The following RYR2 variants were observed in gnomAD, a reference collection of about 807,000 sequenced individuals.
The protein encoded by RYR2 is cardiac muscle ryanodine receptor-calcium release channel.
Under a neutral mutation model 601.1 loss-of-function variants are expected in RYR2, and 227 were observed. The ratio of observed to expected loss-of-function variants is 0.38; its 90% CI spans 0.34 to 0.42. The LOEUF (loss-of-function observed/expected upper bound fraction) is 0.42, where lower values mean the gene tolerates loss of function less well. Ranked by LOEUF, RYR2 falls within the 10% of genes least tolerant of loss-of-function variation. The pLI is 1.00. For missense variants in RYR2, 4,646 were observed against 6,156.5 expected, an observed-to-expected ratio of 0.75 and a Z score of 8.21; for synonymous variants, 2,223 against 2,175.1, an observed-to-expected ratio of 1.02 and a Z score of -0.61.
chr1:237,633,610 T>C lies in RYR2; in HGVS notation c.6588T>C (p.Cys2196=). 1 of 1,614,016 alleles carries C rather than the reference T, an allele frequency of 6.2e-7. No homozygotes were observed. The highest frequency in any genetic ancestry group is 1.1e-5 in the South Asian group (1 of 91,078). Residue 2196 remains cysteine, a synonymous_variant, in exon 43 of 105, where the codon TGT becomes TGC. Coordinates refer to ENST00000366574, the MANE Select transcript of RYR2 (RefSeq NM_001035.3). The part of the protein sequence containing the change: ...EITFPKMVAN[C]CRFLCYFCRI... ...CCTTTCCCAAGATGGTGGCCAACTG[T>C]TGCCGTTTTCTCTGTTACTTCTGTC...
intron 14 of RYR2, among the ~76,000 whole-genome samples, chr1:237,450,116 G>A (rs182805152): frequency 6.6e-6 from 1 of 152,186 alleles, no homozygotes; most frequent in Admixed American, 6.5e-5. Context: ...GCTGTTTTAG[G>A]TTCTGTGTGA....
At chr1:237,216,869 A>G (rs939692771) in intron 1 of RYR2, among the ~76,000 whole-genome samples, 11 of 151,852 alleles carry the variant, frequency 7.2e-5, no homozygotes, top group African/African-American at 2.7e-4. Flanking sequence ...GGGTCTGAGT[A>G]GCACATGCTG....
intron 8 of RYR2, among the ~76,000 whole-genome samples, chr1:237,378,206 C>T (rs1701189048): frequency 6.6e-6 from 1 of 152,104 alleles, no homozygotes; most frequent in Admixed American, 6.5e-5. Context: ...AAAGACTTGA[C>T]CCCCATTATT....
At chr1:237,570,746 G>A (rs1386557584) in intron 29 of RYR2, among the ~76,000 whole-genome samples, 2 of 152,184 alleles carry the variant, frequency 1.3e-5, no homozygotes, top group Non-Finnish European at 2.9e-5. Flanking sequence ...AGTGCAGGTA[G>A]CGAATATTTC....
Position 237,060,833 on chromosome 1 carries a change from C to T in RYR2, c.48+18264C>T, listed in dbSNP as rs115723188. On this transcript the variant is annotated intron_variant, in intron 1 of 104. Coordinates refer to ENST00000366574, the MANE Select transcript of RYR2 (RefSeq NM_001035.3). ...TTCACTAATAAAAACAAAGCTGGTA[C>T]TAATATTCTCAAATATGAAAGATTT... Among the ~76,000 whole-genome samples the T allele has an allele frequency of 6.5e-3, 987 of 152,234 alleles. 6 individuals carry two copies. Among genetic ancestry groups the T allele is most frequent in the African/African-American group, 0.023 (936 of 41,532 alleles).
At chr1:237,781,523 A>G in intron 88 of RYR2, 42 bp from the exon 89 acceptor site, 4 of 945,610 alleles carry the variant, frequency 4.2e-6, no homozygotes, top group Middle Eastern at 2.1e-4. Flanking sequence ...CCTGCTGCAT[A>G]GTTTTCTTGT....
At chr1:237,211,349 G>T (rs751428417) in intron 1 of RYR2, among the ~76,000 whole-genome samples, 2 of 152,284 alleles carry the variant, frequency 1.3e-5, no homozygotes, top group Non-Finnish European at 2.9e-5. Flanking sequence ...AGGCTAAGAT[G>T]TGTAGGCATT....
chr1:237,500,983 C>A, intron 21 of RYR2, 80 bp downstream of exon 21: 1 of 1,312,358 alleles, frequency 7.6e-7, no homozygotes, highest in African/African-American at 1.4e-5. Flanking sequence ...TGCCATTGCC[C>A]TTCTTCTCTA....
rs764277897 is a variant in RYR2 at position 237,678,033 on chromosome 1, T to C, written c.8831-15T>C. On this transcript the variant is annotated splice_polypyrimidine_tract_variant and intron_variant, in intron 60 of 104. Transcript: ENST00000366574. The stretch of plus-strand genomic sequence containing the variant: ...TCCAGTGCAGCATTTACCTAAAAAC[T>C]CTTCAAATCTACAGATGGTGGCAGC... 3 of 1,558,982 alleles carry C rather than the reference T, an allele frequency of 1.9e-6. No individual in the cohort carries two copies. The highest frequency in any genetic ancestry group is 2.2e-5 in the East Asian group (1 of 44,598).
In RYR2 at chr1:237,776,639, T is replaced by TTCTCTCTC. The variant is rs3835527; in HGVS notation, c.11776-2013_11776-2006dup. ...TTTTTACTCTCCCCCCTGAAGGTTCTTCTCTCTCTCTCTCTCTCTCTTTCC... is the reference window on the plus strand; with the variant it reads ...TTTTTACTCTCCCCCCTGAAGGTTCTTCTCTCTCTCTCTCTCTCTCTCTCTCTCTTTCC... On this transcript the variant is annotated intron_variant, in intron 87 of 104. Coordinates refer to ENST00000366574, the MANE Select transcript of RYR2 (RefSeq NM_001035.3). 9.9e-3 allele frequency among the ~76,000 whole-genome samples: 1,481 copies of TTCTCTCTC among 149,692 alleles called. 21 individuals are homozygous for TTCTCTCTC. The highest frequency in any genetic ancestry group is 0.033 in the African/African-American group (1,355 of 40,746).
At chr1:237,682,577 A>G (rs1205892755) in intron 62 of RYR2, among the ~76,000 whole-genome samples, 1 of 152,176 alleles carries the variant, frequency 6.6e-6, no homozygotes, top group Non-Finnish European at 1.5e-5. Flanking sequence ...TGTAGCCTGG[A>G]GCAATAGGCT....
intron 1 of RYR2, among the ~76,000 whole-genome samples, chr1:237,176,415 T>C (rs2148930120): frequency 6.6e-6 from 1 of 151,608 alleles, no homozygotes; most frequent in East Asian, 1.9e-4. Context: ...TAATTTACTT[T>C]AAAATATGCT....
At chr1:237,466,955 A>G (rs1660149447) in intron 16 of RYR2, among the ~76,000 whole-genome samples, 1 of 151,722 alleles carries the variant, frequency 6.6e-6, no homozygotes, top group African/African-American at 2.4e-5. Context: ...GTCAGAGAAC[A>G]TGGTTTATAC....
In RYR2 at chr1:237,262,013, A is replaced by G. The variant is rs961318301; in HGVS notation, c.49-8484A>G. Among the ~76,000 whole-genome samples, 132 of 152,256 alleles carry G rather than the reference A, an allele frequency of 8.7e-4. 1 individual carries two copies. The highest frequency in any genetic ancestry group is 3.0e-3 in the African/African-American group (125 of 41,556). ...GTTTATTAGGCAATTTAGCTCTTAT[A>G]ATATTTCCTAGCATGTATTGCATCT... On this transcript the variant is annotated intron_variant, in intron 1 of 104. Coordinates refer to ENST00000366574, the MANE Select transcript of RYR2 (RefSeq NM_001035.3).
Position 237,687,502 on chromosome 1 carries a change from T to TAC in RYR2, c.9065_9066insAC (p.Phe3022LeufsTer25). On this transcript the variant is annotated frameshift_variant and splice_region_variant, in exon 63 of 105. Transcript: ENST00000366574. LOFTEE classifies it high-confidence loss of function. ...CTTGTCAGGCATAGGATTTCACTAT[T>TAC]TGGTAAGGAGACCCTTGAAAAAATA... The TAC allele has an allele frequency of 6.2e-7, 1 of 1,608,092 alleles. No homozygotes were observed. The highest frequency in any genetic ancestry group is 8.5e-7 in the Non-Finnish European group (1 of 1,175,810).
chr1:237,671,452 A>G (rs1030396440), intron 58 of RYR2, among the ~76,000 whole-genome samples: 2 of 151,850 alleles, frequency 1.3e-5, no homozygotes, highest in Admixed American at 1.3e-4. Flanking sequence ...CCCACTGCCG[A>G]TAAGAGGTAG....
chr1:237,094,951 A>G (rs1455646282), intron 1 of RYR2, among the ~76,000 whole-genome samples: 1 of 152,164 alleles, frequency 6.6e-6, no homozygotes, highest in Non-Finnish European at 1.5e-5. Context: ...TGCTTCCTGG[A>G]TGCCTTGCCC....
In RYR2 at chr1:237,590,635, G is replaced by A. The variant is rs776405427; in HGVS notation, c.3808-5G>A. On this transcript the variant is annotated splice_region_variant and splice_polypyrimidine_tract_variant and intron_variant, in intron 30 of 104. Coordinates refer to ENST00000366574, the MANE Select transcript of RYR2 (RefSeq NM_001035.3). ...AATGTGAACTATCGCTTCTTCGTTT[G>A]CTAGGTGACCAGAATAGACGGCACC... 1 of 1,498,834 alleles carries A rather than the reference G, an allele frequency of 6.7e-7. No homozygotes were observed. Among genetic ancestry groups the A allele is most frequent in the South Asian group, 1.4e-5 (1 of 70,172 alleles). 92.8% of individuals were successfully genotyped at this position (1,498,834 alleles called of 1,614,324 possible).
intron 2 of RYR2, among the ~76,000 whole-genome samples, chr1:237,287,507 T>G (rs1691694297): frequency 1.3e-5 from 2 of 152,206 alleles, no homozygotes; most frequent in African/African-American, 2.4e-5. Flanking sequence ...TCATATTTTC[T>G]TACTCTTTTT....
Sources: gnomAD v4.1 joint callset for allele counts (sites outside exome capture counted in the v4.1 genomes callset) on GRCh38, gnomAD v4.1.1 for gene constraint, MANE v1.5 for transcripts, NCBI Gene and HGNC (gene_info 2026-07-23, HGNC 2026-07-21) for gene names.